CIMAP3: variants seen among roughly 807,000 people sequenced by gnomAD.
The protein encoded by CIMAP3 is ciliary microtubule associated protein 3, also known as ciliary microtubule-associated protein 3.
the CIMAP3 span, chr1:111,351,367 A>C: frequency 6.9e-7 from 1 of 1,442,446 alleles, no homozygotes; most frequent in Non-Finnish European, 9.3e-7. Context: ...TTATACACAG[A>C]CTCTCCAGGA....
the CIMAP3 span, among the ~76,000 whole-genome samples, chr1:111,329,740 G>T: frequency 6.6e-6 from 1 of 151,616 alleles, no homozygotes; most frequent in East Asian, 2.0e-4. Context: ...TTTTAGTAGA[G>T]ACAGGGTTTC....
the CIMAP3 span, among the ~76,000 whole-genome samples, chr1:111,332,734 A>C: frequency 6.6e-6 from 1 of 152,124 alleles, no homozygotes; most frequent in African/African-American, 2.4e-5. Flanking sequence ...TCTTGGGCCT[A>C]GGACAATGGT....
chr1:111,347,134 A>G, the CIMAP3 span: 1 of 1,448,194 alleles, frequency 6.9e-7, no homozygotes, highest in Non-Finnish European at 9.2e-7. Context: ...AAAAGAAAAA[A>G]TTCTGTGGGA....
the CIMAP3 span, among the ~76,000 whole-genome samples, chr1:111,334,229 C>T: frequency 2.0e-5 from 3 of 152,004 alleles, no homozygotes; most frequent in African/African-American, 2.4e-5. Flanking sequence ...ATATGTTTAA[C>T]GATATCAAAG....
the CIMAP3 span, among the ~76,000 whole-genome samples, chr1:111,332,669 A>G: frequency 1.3e-5 from 2 of 152,130 alleles, no homozygotes; most frequent in Non-Finnish European, 2.9e-5. Context: ...GGCTTTTCTG[A>G]GACACAGACA....
the CIMAP3 span, chr1:111,349,874 A>G: frequency 9.1e-6 from 4 of 440,868 alleles, no homozygotes; most frequent in Non-Finnish European, 1.6e-5. Context: ...TTTAATCTGG[A>G]GTCGATCTGT....
the CIMAP3 span, among the ~76,000 whole-genome samples, chr1:111,339,460 TGTCTCA>T: frequency 6.7e-6 from 1 of 150,244 alleles, no homozygotes; most frequent in East Asian, 1.9e-4. Context: ...AAAACCCCAT[TGTCTCA>T]GCCCAAAATC....
the CIMAP3 span, among the ~76,000 whole-genome samples, chr1:111,330,131 T>C: frequency 6.6e-6 from 1 of 152,224 alleles, no homozygotes; most frequent in Admixed American, 6.5e-5. Context: ...TTTGCTATCC[T>C]CCTGAATCTT....
the CIMAP3 span, among the ~76,000 whole-genome samples, chr1:111,343,021 T>C: frequency 1.2e-4 from 18 of 152,356 alleles, no homozygotes; most frequent in African/African-American, 4.3e-4. Context: ...GCTTCTATGC[T>C]GCTATTTTGG....
At chr1:111,347,849 G>A in the CIMAP3 span, 15 of 1,036,166 alleles carry the variant, frequency 1.4e-5, no homozygotes, top group African/African-American at 3.2e-5. Flanking sequence ...GAGAGCAAGA[G>A]GGGGGTGATC....
the CIMAP3 span, among the ~76,000 whole-genome samples, chr1:111,325,431 A>C: frequency 6.6e-6 from 1 of 152,190 alleles, no homozygotes; most frequent in African/African-American, 2.4e-5. Flanking sequence ...TGTAGGTTTT[A>C]AGAAAGTCTG....
the CIMAP3 span, chr1:111,349,232 T>A: frequency 2.0e-5 from 3 of 152,480 alleles, no homozygotes; most frequent in African/African-American, 7.2e-5. Context: ...ATGACAAGAC[T>A]GAGCCAGCCC....
chr1:111,336,104 C>T, the CIMAP3 span, among the ~76,000 whole-genome samples: 2 of 152,318 alleles, frequency 1.3e-5, no homozygotes, highest in South Asian at 2.1e-4. Flanking sequence ...CTGGAGTGGA[C>T]CTCTAGCAAA....
At chr1:111,346,235 G>T in the CIMAP3 span, 161 of 163,916 alleles carry the variant, frequency 9.8e-4, 1 homozygote, top group African/African-American at 3.6e-3. Context: ...CTGCTGGGGC[G>T]TTGCCCAGGG....
the CIMAP3 span, among the ~76,000 whole-genome samples, chr1:111,327,466 G>T: frequency 6.6e-6 from 1 of 151,986 alleles, no homozygotes; most frequent in Non-Finnish European, 1.5e-5. Flanking sequence ...GTAGAATTCT[G>T]CTGTGAATCT....
At chr1:111,325,805 A>T in the CIMAP3 span, among the ~76,000 whole-genome samples, 1 of 152,194 alleles carries the variant, frequency 6.6e-6, no homozygotes, top group East Asian at 1.9e-4. Flanking sequence ...AGAGATCAGA[A>T]GTCCTTTCAT....
chr1:111,330,331 C>A, the CIMAP3 span, among the ~76,000 whole-genome samples: 7 of 152,300 alleles, frequency 4.6e-5, no homozygotes, highest in East Asian at 7.7e-4. Flanking sequence ...CATTTAACTG[C>A]AGTGTAGATT....
At chr1:111,344,085 T>C in the CIMAP3 span, among the ~76,000 whole-genome samples, 7 of 152,232 alleles carry the variant, frequency 4.6e-5, no homozygotes, top group Admixed American at 2.6e-4. Context: ...TATAAGCTCT[T>C]GTTTTATATC....
the CIMAP3 span, chr1:111,324,807 G>C: frequency 2.0e-6 from 2 of 984,974 alleles, no homozygotes; most frequent in South Asian, 4.7e-5. Flanking sequence ...GAAGGTCCAT[G>C]CTATCTTCTC....
Sources: gnomAD v4.1 joint callset for allele counts (sites outside exome capture counted in the v4.1 genomes callset) on GRCh38, gnomAD v4.1.1 for gene constraint, MANE v1.5 for transcripts, NCBI Gene and HGNC (gene_info 2026-07-23, HGNC 2026-07-21) for gene names.